DOCK3: variants seen among roughly 807,000 people sequenced by gnomAD.
DOCK3 encodes the protein dedicator of cytokinesis protein 3.
DOCK3 carries 60 observed loss-of-function variants against 265.6 expected under a neutral mutation model. The observed-to-expected ratio is 0.23, with a 90% CI of 0.18 to 0.28. The LOEUF (loss-of-function observed/expected upper bound fraction) is 0.28. Ranked by LOEUF, DOCK3 falls within the 10% of genes least tolerant of loss-of-function variation. DOCK3 has a pLI of 1.00. For missense variants in DOCK3, 1,981 were observed against 2,594.3 expected (o/e 0.76, Z 5.14); for synonymous variants, 881 against 938.0 (o/e 0.94, Z 1.11).
intron 12 of DOCK3, among the ~76,000 whole-genome samples, chr3:51,184,327 A>AG (rs1002174275): frequency 9.2e-5 from 14 of 151,614 alleles, no homozygotes; most frequent in East Asian, 1.9e-4. Flanking sequence ...AAAAAAAAAA[A>AG]AAAGAAAGAA....
chr3:50,854,592 G>GTTTTTTATTTTTTT (rs2046496720), intron 3 of DOCK3, among the ~76,000 whole-genome samples: 1 of 47,214 alleles, frequency 2.1e-5, no homozygotes, highest in Non-Finnish European at 3.6e-5. Flanking sequence ...CATCACACCA[G>GTTTTTTATTTTTTT]TTTTTTTTTT....
chr3:50,885,014 C>G (rs1219570262), intron 3 of DOCK3, among the ~76,000 whole-genome samples: 1 of 152,094 alleles, frequency 6.6e-6, no homozygotes, highest in Non-Finnish European at 1.5e-5. Context: ...GTTTCACTGT[C>G]CTAACAATGT....
intron 4 of DOCK3, among the ~76,000 whole-genome samples, chr3:50,896,371 A>C (rs1337819936): frequency 6.6e-6 from 1 of 152,010 alleles, no homozygotes. Context: ...AATTTGTTTA[A>C]TCTTTGTAGA....
chr3:51,290,088 G>C (rs2081646974), intron 27 of DOCK3, among the ~76,000 whole-genome samples: 1 of 152,192 alleles, frequency 6.6e-6, no homozygotes, highest in African/African-American at 2.4e-5. Context: ...CTGTTGGTGG[G>C]ACTGTAAACT....
chr3:51,297,934 T>C, intron 27 of DOCK3, among the ~76,000 whole-genome samples: 1 of 151,996 alleles, frequency 6.6e-6, no homozygotes, highest in East Asian at 1.9e-4. Flanking sequence ...TACAGTGAAC[T>C]ATGATTGTGC....
intron 3 of DOCK3, among the ~76,000 whole-genome samples, chr3:50,850,606 A>G (rs1466022718): frequency 6.6e-6 from 1 of 152,144 alleles, no homozygotes; most frequent in Admixed American, 6.5e-5. Context: ...TCATCTGGAG[A>G]CACTGGCACT....
chr3:50,793,852 T>G (rs1389599461), intron 2 of DOCK3, among the ~76,000 whole-genome samples: 1 of 152,190 alleles, frequency 6.6e-6, no homozygotes, highest in Non-Finnish European at 1.5e-5. Context: ...GATCTTTCTT[T>G]TTGGTGTAGG....
chr3:50,931,237 C>T (rs2051051304), intron 4 of DOCK3, among the ~76,000 whole-genome samples: 1 of 152,200 alleles, frequency 6.6e-6, no homozygotes, highest in Admixed American at 6.5e-5. Flanking sequence ...GGCTCTCTCT[C>T]CACCTGCTTA....
chr3:51,135,393 C>CTAAA (rs1433255627), intron 9 of DOCK3, among the ~76,000 whole-genome samples: 3 of 152,212 alleles, frequency 2.0e-5, no homozygotes, highest in African/African-American at 7.2e-5. Flanking sequence ...GATGCTCAGT[C>CTAAA]TAAACACTTA....
At chr3:51,001,398 G>T (rs980109608) in intron 5 of DOCK3, among the ~76,000 whole-genome samples, 1 of 152,176 alleles carries the variant, frequency 6.6e-6, no homozygotes, top group Non-Finnish European at 1.5e-5. Context: ...CTGGCTGTCA[G>T]ACTGAATCTT....
At chr3:50,776,957 T>C (rs1384171594) in intron 1 of DOCK3, among the ~76,000 whole-genome samples, 1 of 152,158 alleles carries the variant, frequency 6.6e-6, no homozygotes, top group East Asian at 1.9e-4. Context: ...TAGTGGAAGA[T>C]AAAAGGCACT....
intron 7 of DOCK3, among the ~76,000 whole-genome samples, chr3:51,077,270 A>G (rs1234630672): frequency 6.6e-6 from 1 of 152,164 alleles, no homozygotes; most frequent in Non-Finnish European, 1.5e-5. Flanking sequence ...GGCTTGGAGG[A>G]TGCTGTTTTC....
chr3:50,798,926 A>G (rs2042928816), intron 2 of DOCK3, among the ~76,000 whole-genome samples: 7 of 152,110 alleles, frequency 4.6e-5, no homozygotes, highest in Admixed American at 4.6e-4. Flanking sequence ...GTCTAGTTTC[A>G]TTGTTCTGCA....
intron 7 of DOCK3, among the ~76,000 whole-genome samples, chr3:51,083,785 C>A (rs908083329): frequency 6.6e-6 from 1 of 152,064 alleles, no homozygotes; most frequent in Non-Finnish European, 1.5e-5. Flanking sequence ...GAGTTCGAGA[C>A]CAGCCTGACC....
At chr3:51,035,823 T>G (rs191949008) in intron 5 of DOCK3, among the ~76,000 whole-genome samples, 1 of 152,182 alleles carries the variant, frequency 6.6e-6, no homozygotes, top group South Asian at 2.1e-4. Context: ...GAAAACAAAC[T>G]GCTTTCAGTT....
chr3:50,887,793 G>T (rs953991668), intron 3 of DOCK3, among the ~76,000 whole-genome samples: 5 of 145,154 alleles, frequency 3.4e-5, no homozygotes, highest in Non-Finnish European at 6.0e-5. Context: ...ATGCAGAAAA[G>T]GTCTCCAATA....
At chr3:51,177,815 AC>A (rs1272522456) in intron 12 of DOCK3, among the ~76,000 whole-genome samples, 1 of 152,000 alleles carries the variant, frequency 6.6e-6, no homozygotes, top group Non-Finnish European at 1.5e-5. Flanking sequence ...ACATGGTGAA[AC>A]CCCCTCTCTA....
intron 4 of DOCK3, among the ~76,000 whole-genome samples, chr3:50,909,977 A>C (rs2049778546): frequency 6.6e-6 from 1 of 151,900 alleles, no homozygotes; most frequent in Non-Finnish European, 1.5e-5. Context: ...ATCGTCTTCA[A>C]GCTTTGATAT....
chr3:50,995,941 G>C (rs1446233054), intron 5 of DOCK3, among the ~76,000 whole-genome samples: 2 of 152,130 alleles, frequency 1.3e-5, no homozygotes, highest in Non-Finnish European at 2.9e-5. Context: ...TTGTACCCCA[G>C]GCTGGGGTGC....
Sources: gnomAD v4.1 joint callset for allele counts (sites outside exome capture counted in the v4.1 genomes callset) on GRCh38, gnomAD v4.1.1 for gene constraint, MANE v1.5 for transcripts, NCBI Gene and HGNC (gene_info 2026-07-23, HGNC 2026-07-21) for gene names.